Variants in NCBP3 observed in about 807,000 individuals in gnomAD.
NCBP3 encodes nuclear cap binding subunit 3.
NCBP3 carries 20 observed loss-of-function variants against 75.7 expected under a neutral mutation model. The observed-to-expected ratio is 0.26, with a 90% CI of 0.19 to 0.38. The LOEUF is 0.38. NCBP3 is among the 10% of genes least tolerant of loss of function. The probability of loss-of-function intolerance (pLI) is 1.00; values close to 1 mark genes in which losing one functional copy is unlikely to be tolerated. For missense variants in NCBP3, 678 were observed against 796.9 expected (o/e 0.85, Z 1.80); for synonymous variants, 293 against 290.5 (o/e 1.01, Z -0.09).
chr17:3,843,969 G>A (rs544025742), intron 1 of NCBP3, among the ~76,000 whole-genome samples: 2 of 152,292 alleles, frequency 1.3e-5, no homozygotes, highest in African/African-American at 4.8e-5. Flanking sequence ...GAAGATCAGA[G>A]CCTGTCCAAA....
At chr17:3,816,517 C>G (rs542472993) in intron 10 of NCBP3, among the ~76,000 whole-genome samples, 1 of 152,344 alleles carries the variant, frequency 6.6e-6, no homozygotes, top group African/African-American at 2.4e-5. Flanking sequence ...TGCTATTACA[C>G]AGCATACAAC....
intron 4 of NCBP3, among the ~76,000 whole-genome samples, chr17:3,826,723 GGA>G (rs1277030116): frequency 2.7e-5 from 4 of 146,416 alleles, no homozygotes; most frequent in African/African-American, 7.8e-5. Context: ...AAGGAAGGAA[GGA>G]GAGAGAGAGA....
chr17:3,812,708 C>A lies in NCBP3; in HGVS notation c.*336G>T. 9.1e-7 allele frequency: 1 copy of A among 1,103,246 alleles called. No homozygotes were observed. Among genetic ancestry groups the A allele is most frequent in the African/African-American group, 1.6e-5 (1 of 60,630 alleles). The allele number at this position is 1,103,246 out of a possible 1,614,324, so 68.3% of individuals were successfully genotyped here. On this transcript the variant is annotated 3_prime_UTR_variant, in exon 13 of 13. Coordinates refer to ENST00000389005, the MANE Select transcript of NCBP3 (RefSeq NM_001114118.3). ...TTCAGTTCTCTGCTCTTTGGATGAA[C>A]TGTGTAAAACATTTCTTTTAAAAGA...
At chr17:3,830,540 G>C (rs2053858989) in intron 3 of NCBP3, among the ~76,000 whole-genome samples, 1 of 152,236 alleles carries the variant, frequency 6.6e-6, no homozygotes, top group Non-Finnish European at 1.5e-5. Context: ...TGAGGAGGCA[G>C]AAAGGTTGAA....
intron 1 of NCBP3, among the ~76,000 whole-genome samples, chr17:3,844,759 A>C (rs1359067463): frequency 6.6e-6 from 1 of 152,232 alleles, no homozygotes; most frequent in Non-Finnish European, 1.5e-5. Flanking sequence ...CTGAGGCAGA[A>C]GAGTAGCTTG....
rs899006890 is a variant in NCBP3 at position 3,841,508 on chromosome 17, T to C, written c.250-1303A>G. Among the ~76,000 whole-genome samples, 21 of 152,248 alleles carry C rather than the reference T, an allele frequency of 1.4e-4. 3 individuals carry two copies. Among genetic ancestry groups the C allele is most frequent in the Admixed American group, 7.2e-4 (11 of 15,276 alleles). ...ACCTGTGTCATATAATGGCAAACAGTGTAAGATTATGAATAGTTTACTTTT... is the reference window on the plus strand; with the variant it reads ...ACCTGTGTCATATAATGGCAAACAGCGTAAGATTATGAATAGTTTACTTTT... On this transcript the variant is annotated intron_variant, in intron 2 of 12. Coordinates refer to ENST00000389005, the MANE Select transcript of NCBP3 (RefSeq NM_001114118.3).
At position 3,803,903 on chromosome 17, in the gene NCBP3, G is replaced by C. The variant is rs529652371; in HGVS notation, c.*9141C>G. The C allele has an allele frequency of 2.0e-5, 3 of 151,874 alleles. No individual in the cohort carries two copies. Among genetic ancestry groups the C allele is most frequent in the Non-Finnish European group, 4.4e-5 (3 of 68,000 alleles). 9.4% of individuals were successfully genotyped at this position (151,874 alleles called of 1,614,324 possible). On this transcript the variant is annotated 3_prime_UTR_variant, in exon 13 of 13. Transcript: ENST00000389005. Reference sequence around the variant, plus strand: ...ATCCTGGCTAACACGGTGAAACCCGGTCTCTACTAAAAATACAAAAAAAAT... The same window carrying C: ...ATCCTGGCTAACACGGTGAAACCCGCTCTCTACTAAAAATACAAAAAAAAT...
rs756695760 is a variant in NCBP3 at position 3,821,244 on chromosome 17, A to T, written c.1000+5T>A. On this transcript the variant is annotated splice_donor_5th_base_variant and intron_variant, in intron 9 of 12. Coordinates refer to ENST00000389005, the MANE Select transcript of NCBP3 (RefSeq NM_001114118.3). ...TGTCTACCCAAGAGCTGAGCAGGCA[A>T]CTACCAGAATGTCGATGTTTATACG... 6.2e-7 allele frequency: 1 copy of T among 1,608,326 alleles called. No individual in the cohort carries two copies. The highest frequency in any genetic ancestry group is 8.5e-7 in the Non-Finnish European group (1 of 1,174,846).
At chr17:3,814,169 G>C (rs1396231500) in intron 12 of NCBP3, among the ~76,000 whole-genome samples, 153 bp downstream of exon 12, 1 of 152,154 alleles carries the variant, frequency 6.6e-6, no homozygotes, top group African/African-American at 2.4e-5. Context: ...TGCTGATGCT[G>C]ATGCTGACGA....
At chr17:3,838,728 AT>A (rs1214200100) in intron 3 of NCBP3, among the ~76,000 whole-genome samples, 1 of 152,242 alleles carries the variant, frequency 6.6e-6, no homozygotes, top group Non-Finnish European at 1.5e-5. Context: ...ACCCTGGGCA[AT>A]TTATTAAACT....
At chr17:3,827,144 T>C (rs1402338085) in intron 4 of NCBP3, among the ~76,000 whole-genome samples, 2 of 151,828 alleles carry the variant, frequency 1.3e-5, no homozygotes, top group Admixed American at 1.3e-4. Context: ...AAAAGGGTAG[T>C]AAAATCTCTC....
chr17:3,843,223 C>A (rs2054097420), intron 1 of NCBP3, 72 bp from the exon 2 acceptor site: 25 of 1,113,902 alleles, frequency 2.2e-5, no homozygotes, highest in Non-Finnish European at 3.0e-5. Context: ...GTCGGCCTGA[C>A]ATCTGCAGGT....
intron 3 of NCBP3, among the ~76,000 whole-genome samples, chr17:3,837,052 G>A (rs999399355): frequency 2.6e-5 from 4 of 151,916 alleles, no homozygotes; most frequent in South Asian, 4.2e-4. Context: ...GGAGGCTGAG[G>A]CAGGGGAATC....
At position 3,846,140 on chromosome 17, in the gene NCBP3, C is replaced by G; in HGVS notation, c.84G>C (p.Ala28=). The G allele has an allele frequency of 6.5e-7, 1 of 1,541,120 alleles. No homozygotes were observed. Among genetic ancestry groups the G allele is most frequent in the Non-Finnish European group, 8.8e-7 (1 of 1,142,766 alleles). The change falls in exon 1 of 13, where the codon GCG becomes GCC. Residue 28 remains alanine, a synonymous_variant. Transcript: ENST00000389005. This position sits in a 1 kb window ranked among gnomAD's most constrained non-coding sequence, Gnocchi z 4.6. ...GPALGLPSPE[A]ESGVDRGEPE... ...GCTCGCCACGGTCAACACCGGACTC[C>G]GCCTCAGGGGACGGGAGCCCCAGGG...
At chr17:3,822,728 C>T (rs1186167555) in intron 7 of NCBP3, 1 of 152,216 alleles carries the variant, frequency 6.6e-6, no homozygotes, top group Non-Finnish European at 1.5e-5. Context: ...CTTGGACACT[C>T]TGACTGTAAA....
intron 4 of NCBP3, 39 bp downstream of exon 4, chr17:3,829,204 C>T: frequency 6.5e-7 from 1 of 1,547,508 alleles, no homozygotes; most frequent in South Asian, 1.2e-5. Flanking sequence ...GAAAAATCAT[C>T]AACAAAAGCA....
intron 4 of NCBP3, among the ~76,000 whole-genome samples, chr17:3,827,063 AAGGGGGAAGGGT>A (rs919949929): frequency 3.4e-5 from 4 of 118,028 alleles, no homozygotes; most frequent in African/African-American, 1.0e-4. Context: ...AGGAAAAGGG[AAGGGGGAAGGGT>A]AGGGGGAAAG....
In NCBP3 at chr17:3,818,555, C is replaced by T. The variant is rs201400408; in HGVS notation, c.1018G>A (p.Glu340Lys). The T allele has an allele frequency of 6.2e-6, 10 of 1,606,364 alleles. No individual in the cohort carries two copies. Among genetic ancestry groups the T allele is most frequent in the East Asian group, 2.2e-5 (1 of 44,870 alleles). ...TCTTCCTCCTCTTCAATGGGTTCCTCGGGAACATTCACTAGCCCTGAAGAA... is the reference window on the plus strand; with the variant it reads ...TCTTCCTCCTCTTCAATGGGTTCCTTGGGAACATTCACTAGCCCTGAAGAA... Reference protein sequence around the residue: ...HRHSGLVNVPEEPIEEEEEEE... With the variant: ...HRHSGLVNVPKEPIEEEEEEE... The change falls in exon 10 of 13, where the codon GAG (glutamate) becomes AAG (lysine). Residue 340 changes from glutamate (E) to lysine (K), a missense_variant. Around this residue, in one of 7 missense-constraint regions of NCBP3, gnomAD observed 365 missense variants for 392.7 expected, o/e 0.93. Coordinates refer to ENST00000389005, the MANE Select transcript of NCBP3 (RefSeq NM_001114118.3). This position sits in a 1 kb window ranked among gnomAD's most constrained non-coding sequence, Gnocchi z 4.7.
In NCBP3 at chr17:3,818,607, C is replaced by T. The variant is rs192391534; in HGVS notation, c.1001-35G>A. ...TTTAACCAGAAAACATTAGGAAAAG[C>T]ACTAAAATTAACAAGTATGATTTTC... is the stretch of plus-strand genomic sequence containing the variant. On this transcript the variant is annotated intron_variant, in intron 9 of 12. Coordinates refer to ENST00000389005, the MANE Select transcript of NCBP3 (RefSeq NM_001114118.3). The surrounding 1 kb of genome is among the most constrained non-coding windows in gnomAD (Gnocchi z 4.7). The T allele has an allele frequency of 2.6e-6, 4 of 1,564,526 alleles. No individual in the cohort carries two copies. The East Asian group carries it at 9.0e-5, about 35-fold the overall frequency.
Sources: allele counts gnomAD v4.1 joint callset (sites outside exome capture counted in the v4.1 genomes callset), GRCh38; gene constraint gnomAD v4.1.1; regional missense constraint gnomAD v4.1.1; non-coding constraint Gnocchi (gnomAD v3.1); transcripts MANE v1.5; gene names NCBI Gene and HGNC (gene_info 2026-07-23, HGNC 2026-07-21).